The following NCOR2 variants were observed in gnomAD, a reference collection of about 807,000 sequenced individuals.
NCOR2 encodes the protein nuclear receptor corepressor 2.
NCOR2 carries 81 observed loss-of-function variants against 262.9 expected under a neutral mutation model. That is an observed-to-expected ratio of 0.31 (90% CI 0.26 to 0.37). NCOR2 has a LOEUF of 0.37. Ranked by LOEUF, NCOR2 falls within the 10% of genes least tolerant of loss-of-function variation. The pLI is 1.00. For synonymous variants in NCOR2, 1,659 were observed against 1,559.3 expected, an observed-to-expected ratio of 1.06 and a Z score of -1.51; for missense variants, 3,385 against 3,621.4, an observed-to-expected ratio of 0.93 and a Z score of 1.68.
At chr12:124,547,915 G>T (rs927243227) in intron 1 of NCOR2, among the ~76,000 whole-genome samples, 2 of 152,146 alleles carry the variant, frequency 1.3e-5, no homozygotes, top group Non-Finnish European at 2.9e-5. Context: ...TATGAGAAAA[G>T]TGTGTTATAA....
At position 124,457,336 on chromosome 12, in the gene NCOR2, AAC is replaced by A. The variant is rs1213131775; in HGVS notation, c.706-176_706-175del. Among the ~76,000 whole-genome samples the A allele has an allele frequency of 4.0e-5, 6 of 150,952 alleles. No homozygotes were observed. Among genetic ancestry groups the A allele is most frequent in the Non-Finnish European group, 8.9e-5 (6 of 67,730 alleles). Reference sequence around the variant, plus strand: ...GCAGGCCCTCCCCACGCTGGAAAAAAACACAGAGGAGCCTCAATACCCCCACA... The same window carrying A: ...GCAGGCCCTCCCCACGCTGGAAAAAAACAGAGGAGCCTCAATACCCCCACA... On this transcript the variant is annotated intron_variant, in intron 5 of 46. Transcript: ENST00000405201. This position sits in a 1 kb window ranked among gnomAD's most constrained non-coding sequence, Gnocchi z 4.0.
chr12:124,528,872 T>G (rs2137137414), intron 1 of NCOR2, among the ~76,000 whole-genome samples: 1 of 152,328 alleles, frequency 6.6e-6, no homozygotes, highest in East Asian at 1.9e-4. Flanking sequence ...TTTCCTCATC[T>G]GTAAGATGAG....
chr12:124,399,237 G>A (rs142960142), intron 15 of NCOR2, among the ~76,000 whole-genome samples: 99 of 152,114 alleles, frequency 6.5e-4, no homozygotes, highest in African/African-American at 2.3e-3. Flanking sequence ...GGACCTCATC[G>A]ATGCTCCCAT....
In NCOR2 at chr12:124,495,218, A is replaced by C; in HGVS notation, c.34T>G (p.Trp12Gly). 6.2e-7 allele frequency: 1 copy of C among 1,613,786 alleles called. No homozygotes were observed. Among genetic ancestry groups the C allele is most frequent in the Non-Finnish European group, 8.5e-7 (1 of 1,179,904 alleles). Residue 12 changes from tryptophan to glycine, a missense_variant, in exon 1 of 47, where the codon TGG becomes GGG. By Grantham distance (184) the Trp-to-Gly change is radical. This residue lies in a region of NCOR2 where 237 missense variants were observed against 229.4 expected (regional missense o/e 1.03). Coordinates refer to ENST00000405201, the Ensembl canonical transcript of NCOR2. The surrounding 1 kb of genome is among the most constrained non-coding windows in gnomAD (Gnocchi z 4.4). ...GGGTAGCGGGGCTCAGTGGCCCTCC[A>C]CGTCTGTGCCACAGGCTGTGTGGAT...
chr12:124,336,733 C>A lies in NCOR2; in HGVS notation c.6115+20G>T, dbSNP rs373113589. ...TGATAATCGCGTCTATGAAGGTGGC[C>A]GCTGTCAGGGTGGTCTTACCCAGAG... On this transcript the variant is annotated intron_variant, in intron 38 of 46. Transcript: ENST00000405201. 2 of 1,610,916 alleles carry A rather than the reference C, an allele frequency of 1.2e-6. No homozygotes were observed. Among genetic ancestry groups the A allele is most frequent in the African/African-American group, 1.3e-5 (1 of 74,754 alleles).
intron 1 of NCOR2, among the ~76,000 whole-genome samples, chr12:124,555,144 A>T (rs2051841451): frequency 6.6e-6 from 1 of 152,212 alleles, no homozygotes; most frequent in Non-Finnish European, 1.5e-5. Context: ...TAAACAGGGA[A>T]ACTAATAGTT....
At chr12:124,495,800 C>G (rs1240578744), upstream of NCOR2, among the ~76,000 whole-genome samples, 1 of 152,202 alleles carries the variant, frequency 6.6e-6, no homozygotes, top group African/African-American at 2.4e-5. This position sits in a 1 kb window ranked among gnomAD's most constrained non-coding sequence, Gnocchi z 4.4. Context: ...ACACCGCTGT[C>G]CCGGGCAGCA....
intron 22 of NCOR2, 68 bp downstream of exon 24, chr12:124,362,058 A>G (rs1422864721): frequency 6.5e-6 from 8 of 1,224,654 alleles, no homozygotes; most frequent in Non-Finnish European, 8.2e-6. Flanking sequence ...TGCTCTAGAC[A>G]CACAAACATC....
intron 37 of NCOR2, among the ~76,000 whole-genome samples, 185 bp downstream of exon 39, chr12:124,339,821 C>T (rs2036283066): frequency 6.7e-6 from 1 of 149,844 alleles, no homozygotes; most frequent in Non-Finnish European, 1.5e-5. Flanking sequence ...CACTGACCCA[C>T]ACACCCACCT....
chr12:124,419,185 A>C (rs749570943), intron 13 of NCOR2, among the ~76,000 whole-genome samples: 1 of 152,148 alleles, frequency 6.6e-6, no homozygotes, highest in Non-Finnish European at 1.5e-5. Flanking sequence ...TATTTACTGG[A>C]TATTTTTTCA....
chr12:124,337,347 C>T (rs1303650985), intron 37 of NCOR2, 167 bp from the exon 40 acceptor site: 7 of 820,838 alleles, frequency 8.5e-6, no homozygotes, highest in Admixed American at 4.0e-5. Context: ...CATGGTTTGA[C>T]CCATCCCACT....
upstream of NCOR2, among the ~76,000 whole-genome samples, chr12:124,540,114 A>ACG (rs1222111268): frequency 6.6e-6 from 1 of 151,328 alleles, no homozygotes; most frequent in African/African-American, 2.4e-5. Flanking sequence ...GGTCACACAC[A>ACG]CACACACCCA....
At chr12:124,367,817 G>A (rs188280565) in intron 20 of NCOR2, among the ~76,000 whole-genome samples, 1 of 152,206 alleles carries the variant, frequency 6.6e-6, no homozygotes, top group Non-Finnish European at 1.5e-5. Flanking sequence ...GTATTTTAGC[G>A]GAGACAGGCT....
Position 124,346,600 on chromosome 12 carries a change from C to G in NCOR2, c.4323G>C (p.Leu1441=), listed in dbSNP as rs779613687. ...AGCCCTCCTTGAGCGGCCGCGGGGC[C>G]AGGGGCAGCTCGGGCGTGTGCCGCA... Residue 1441 remains leucine, a synonymous_variant, in exon 31 of 47, where the codon CTG becomes CTC. Transcript: ENST00000405201. The G allele has an allele frequency of 3.2e-6, 5 of 1,583,802 alleles. No individual in the cohort carries two copies. The Admixed American group carries it at 8.6e-5, about 27-fold the overall frequency.
At chr12:124,495,368 C>A, upstream of NCOR2, 1 of 1,442,136 alleles carries the variant, frequency 6.9e-7, no homozygotes, top group Non-Finnish European at 9.1e-7. The surrounding 1 kb of genome is among the most constrained non-coding windows in gnomAD (Gnocchi z 4.4). Flanking sequence ...GTCACTGGCA[C>A]CTGCGGGAAA....
At chr12:124,414,783 G>A (rs1411348025) in intron 13 of NCOR2, among the ~76,000 whole-genome samples, 1 of 152,198 alleles carries the variant, frequency 6.6e-6, no homozygotes, top group East Asian at 1.9e-4. Context: ...ATCTTCCCGT[G>A]GTGCCTGGGG....
In NCOR2 at chr12:124,336,506, CG is replaced by C. The variant is rs1196263914; in HGVS notation, c.6115+246del. 7.7e-6 allele frequency: 8 copies of C among 1,038,570 alleles called. No individual in the cohort carries two copies. In the African/African-American group the frequency reaches 1.4e-4, roughly 18 times the overall value. The allele number at this position is 1,038,570 out of a possible 1,614,324, so 64.3% of individuals were successfully genotyped here. On this transcript the variant is annotated intron_variant, in intron 38 of 46. Coordinates refer to ENST00000405201, the Ensembl canonical transcript of NCOR2. ...GGAGTAGTCGTCAGCGCGTGCAAACCGGCGAGGACGGATGGGCTTCAAAACA... is the reference window on the plus strand; with the variant it reads ...GGAGTAGTCGTCAGCGCGTGCAAACCGCGAGGACGGATGGGCTTCAAAACA...
At chr12:124,435,949 C>T (rs957865050) in intron 8 of NCOR2, among the ~76,000 whole-genome samples, 1 of 152,242 alleles carries the variant, frequency 6.6e-6, no homozygotes, top group African/African-American at 2.4e-5. Context: ...CCTCGCAGGA[C>T]TAAATGCCCT....
At chr12:124,561,434 C>A (rs1486128013) in intron 1 of NCOR2, among the ~76,000 whole-genome samples, 4 of 152,340 alleles carry the variant, frequency 2.6e-5, no homozygotes, top group Middle Eastern at 3.4e-3. Context: ...CCCCCAACAG[C>A]TTTGGGCAGT....
Sources: gnomAD v4.1 joint callset for allele counts (sites outside exome capture counted in the v4.1 genomes callset) on GRCh38, gnomAD v4.1.1 for gene constraint, gnomAD v4.1.1 regional missense constraint, Gnocchi (gnomAD v3.1) non-coding constraint, MANE v1.5 for transcripts, NCBI Gene and HGNC (gene_info 2026-07-23, HGNC 2026-07-21) for gene names.